The following ASTN2 variants were observed in gnomAD, a reference collection of about 807,000 sequenced individuals.
The protein encoded by ASTN2 is astrotactin-2.
A neutral mutation model predicts 139.8 loss-of-function variants in ASTN2; 54 were observed. That is an observed-to-expected ratio of 0.39 (90% CI 0.31 to 0.48). The LOEUF is 0.48. ASTN2 is among the 20% of genes least tolerant of loss of function. The probability of loss-of-function intolerance (pLI) is 0.95; values close to 1 mark genes in which losing one functional copy is unlikely to be tolerated. For synonymous variants in ASTN2, 756 were observed against 719.5 expected, an observed-to-expected ratio of 1.05 and a Z score of -0.81; for missense variants, 1,565 against 1,725.1, an observed-to-expected ratio of 0.91 and a Z score of 1.64.
chr9:116,943,110 G>A (rs181093855), intron 10 of ASTN2, among the ~76,000 whole-genome samples: 21 of 152,224 alleles, frequency 1.4e-4, no homozygotes, highest in African/African-American at 5.1e-4. Context: ...TATAGACCGG[G>A]GATAAAAAGA....
rs562409212 is a variant in ASTN2 at position 116,592,378 on chromosome 9, A to T, written c.3355+25946T>A. 5.5e-4 allele frequency among the ~76,000 whole-genome samples: 84 copies of T among 152,178 alleles called. 1 individual carries two copies. Among genetic ancestry groups the T allele is most frequent in the Admixed American group, 3.3e-4 (5 of 15,286 alleles). ...GGAGCAGGAGGGAGAGAGAAGGGGG[A>T]GGTGCTACACACTTTTAAACAGCCA... On this transcript the variant is annotated intron_variant, in intron 19 of 22. Transcript: ENST00000313400.
intron 19 of ASTN2, among the ~76,000 whole-genome samples, chr9:116,570,395 C>CT (rs11365850): frequency 2.1e-3 from 304 of 147,918 alleles, no homozygotes; most frequent in African/African-American, 4.8e-3. Context: ...CTTTTAGTCT[C>CT]TTTTTTTTTT....
At chr9:117,046,657 C>T (rs1398245332) in intron 5 of ASTN2, among the ~76,000 whole-genome samples, 4 of 152,172 alleles carry the variant, frequency 2.6e-5, no homozygotes, top group African/African-American at 4.8e-5. Flanking sequence ...TGCTGGCCCC[C>T]GTGGACAAGT....
intron 7 of ASTN2, among the ~76,000 whole-genome samples, chr9:116,988,202 T>A (rs1232347343): frequency 6.6e-6 from 1 of 151,966 alleles, no homozygotes; most frequent in Non-Finnish European, 1.5e-5. Context: ...GGCAATGGAG[T>A]CAGAATGGAA....
At chr9:116,775,775 A>AAGGAGGGAAAG (rs1554744841) in intron 13 of ASTN2, among the ~76,000 whole-genome samples, 1 of 115,184 alleles carries the variant, frequency 8.7e-6, no homozygotes, top group Non-Finnish European at 1.8e-5. Flanking sequence ...GGAAAGGGGG[A>AAGGAGGGAAAG]AGGAGGGAAG....
chr9:116,843,507 A>G (rs12115544), intron 11 of ASTN2, among the ~76,000 whole-genome samples: 7,104 of 150,418 alleles, frequency 0.047, 478 homozygotes, highest in African/African-American at 0.15. Context: ...AAAATACAAC[A>G]AATTAGCCAG....
chr9:116,584,962 G>A (rs553539347), intron 19 of ASTN2: 10 of 152,276 alleles, frequency 6.6e-5, no homozygotes, highest in African/African-American at 2.2e-4. Flanking sequence ...CCAAATAAAC[G>A]GTAGAGAGAA....
At chr9:116,616,909 C>T (rs1215582849) in intron 19 of ASTN2, among the ~76,000 whole-genome samples, 2 of 152,156 alleles carry the variant, frequency 1.3e-5, no homozygotes, top group African/African-American at 2.4e-5. Flanking sequence ...TTTGCCTATG[C>T]ATATTCAGAT....
At chr9:116,821,430 C>T (rs778051049) in intron 11 of ASTN2, among the ~76,000 whole-genome samples, 5 of 152,150 alleles carry the variant, frequency 3.3e-5, no homozygotes, top group Admixed American at 6.5e-5. Flanking sequence ...TACCTTCCTT[C>T]CTGTCTTGAA....
intron 2 of ASTN2, among the ~76,000 whole-genome samples, chr9:117,263,612 G>A (rs898276047): frequency 1.3e-5 from 2 of 152,094 alleles, no homozygotes; most frequent in Non-Finnish European, 2.9e-5. Context: ...TTCACCTTGG[G>A]AGATACTCGG....
chr9:117,073,866 T>C (rs7022073), intron 5 of ASTN2, among the ~76,000 whole-genome samples: 70,307 of 151,948 alleles, frequency 0.46, 16,743 homozygotes, highest in East Asian at 0.65. Context: ...AGGCTGAGAA[T>C]GGAACAAAGC....
chr9:116,585,107 G>C (rs915697535), intron 19 of ASTN2: 2 of 152,156 alleles, frequency 1.3e-5, no homozygotes, highest in Non-Finnish European at 2.9e-5. Flanking sequence ...CTGGGCATAA[G>C]ACTGACCTGG....
chr9:116,457,587 G>A (rs1325227172), intron 20 of ASTN2, among the ~76,000 whole-genome samples: 1 of 152,016 alleles, frequency 6.6e-6, no homozygotes, highest in Non-Finnish European at 1.5e-5. Context: ...TGGCAAACAG[G>A]TATATAAGTA....
At chr9:116,994,799 G>A (rs955542285) in intron 7 of ASTN2, among the ~76,000 whole-genome samples, 5 of 152,048 alleles carry the variant, frequency 3.3e-5, no homozygotes, top group African/African-American at 9.7e-5. Flanking sequence ...GATTGCTAAG[G>A]CTCACAATAA....
chr9:117,195,576 T>C (rs1045903283), intron 3 of ASTN2, among the ~76,000 whole-genome samples: 1 of 151,972 alleles, frequency 6.6e-6, no homozygotes, highest in Non-Finnish European at 1.5e-5. Context: ...TGGACGGTCA[T>C]AGGGTGGGAA....
At chr9:116,476,958 C>T (rs1848999321) in intron 20 of ASTN2, among the ~76,000 whole-genome samples, 1 of 152,028 alleles carries the variant, frequency 6.6e-6, no homozygotes, top group South Asian at 2.1e-4. Flanking sequence ...AGCCCAGCTC[C>T]CCTCCGCCTG....
intron 19 of ASTN2, among the ~76,000 whole-genome samples, chr9:116,572,089 A>G (rs1853541953): frequency 6.6e-6 from 1 of 151,970 alleles, no homozygotes; most frequent in Non-Finnish European, 1.5e-5. Context: ...GTTTGTAGGT[A>G]CAACTGCATA....
At chr9:116,950,320 C>A (rs1418736460) in intron 10 of ASTN2, among the ~76,000 whole-genome samples, 1 of 151,818 alleles carries the variant, frequency 6.6e-6, no homozygotes, top group Non-Finnish European at 1.5e-5. Flanking sequence ...AGGTTAAGAA[C>A]CATTGTGATA....
chr9:117,148,964 G>A (rs1305306498), intron 3 of ASTN2, among the ~76,000 whole-genome samples: 1 of 151,810 alleles, frequency 6.6e-6, no homozygotes, highest in Non-Finnish European at 1.5e-5. Context: ...GAACTTGCCA[G>A]CCTCCACAAT....
Sources: allele counts gnomAD v4.1 joint callset (sites outside exome capture counted in the v4.1 genomes callset), GRCh38; gene constraint gnomAD v4.1.1; transcripts MANE v1.5; gene names NCBI Gene and HGNC (gene_info 2026-07-23, HGNC 2026-07-21).